The following QTMAN variants were observed in gnomAD, a reference collection of about 807,000 sequenced individuals.
QTMAN encodes tRNA-queuosine alpha-mannosyltransferase.
the QTMAN span, among the ~76,000 whole-genome samples, chr2:144,039,148 CTTAAA>C: frequency 6.6e-6 from 1 of 152,070 alleles, no homozygotes; most frequent in African/African-American, 2.4e-5. Context: ...AAATTCTTCC[CTTAAA>C]TAAGTTTTAG....
chr2:144,094,159 T>C, the QTMAN span, among the ~76,000 whole-genome samples: 1 of 152,352 alleles, frequency 6.6e-6, no homozygotes, highest in East Asian at 1.9e-4. Context: ...GATGTGATTT[T>C]GGTTTAGTTT....
At chr2:144,328,978 G>C in the QTMAN span, among the ~76,000 whole-genome samples, 1 of 151,894 alleles carries the variant, frequency 6.6e-6, no homozygotes, top group Admixed American at 6.6e-5. Flanking sequence ...AAATAACCAG[G>C]CAGGGCACAG....
chr2:143,980,332 G>A, the QTMAN span, among the ~76,000 whole-genome samples: 2 of 152,242 alleles, frequency 1.3e-5, no homozygotes, highest in African/African-American at 4.8e-5. Flanking sequence ...ATGGCCTCCA[G>A]CTCCATCCAT....
chr2:144,327,720 C>T, the QTMAN span, among the ~76,000 whole-genome samples: 1 of 152,080 alleles, frequency 6.6e-6, no homozygotes, highest in African/African-American at 2.4e-5. Context: ...CTTGGCTCTG[C>T]AAGACCCCAA....
At chr2:144,025,295 T>C in the QTMAN span, among the ~76,000 whole-genome samples, 2 of 152,170 alleles carry the variant, frequency 1.3e-5, no homozygotes, top group Non-Finnish European at 2.9e-5. Context: ...CTACTCCTAG[T>C]ACAGAGCACA....
the QTMAN span, among the ~76,000 whole-genome samples, chr2:144,328,580 G>A: frequency 7.2e-4 from 109 of 152,274 alleles, no homozygotes; most frequent in Middle Eastern, 3.4e-3. Flanking sequence ...GATCCTTCCC[G>A]TTGTAGGTGA....
chr2:144,145,517 C>G, the QTMAN span: 2 of 1,321,836 alleles, frequency 1.5e-6, no homozygotes, highest in Non-Finnish European at 2.1e-6. Flanking sequence ...AACGTAACCA[C>G]CTACAAAGAA....
the QTMAN span, among the ~76,000 whole-genome samples, chr2:144,329,288 A>C: frequency 6.6e-6 from 1 of 152,186 alleles, no homozygotes; most frequent in Non-Finnish European, 1.5e-5. Flanking sequence ...GATATTAAAA[A>C]AAAAAGAAGA....
chr2:144,320,474 T>C, the QTMAN span, among the ~76,000 whole-genome samples: 4 of 152,220 alleles, frequency 2.6e-5, no homozygotes, highest in Non-Finnish European at 5.9e-5. Context: ...CAGACAGCTC[T>C]AGTCACTTTG....
At chr2:144,239,144 G>A in the QTMAN span, among the ~76,000 whole-genome samples, 1 of 134,030 alleles carries the variant, frequency 7.5e-6, no homozygotes, top group Admixed American at 7.5e-5. Flanking sequence ...CAAAAAGACA[G>A]ATATACGCAC....
the QTMAN span, among the ~76,000 whole-genome samples, chr2:144,170,144 T>C: frequency 1.3e-5 from 2 of 152,210 alleles, no homozygotes; most frequent in African/African-American, 4.8e-5. Context: ...TATATGAATA[T>C]ACTATCATTT....
the QTMAN span, among the ~76,000 whole-genome samples, chr2:144,042,478 G>A: frequency 1.4e-4 from 22 of 152,208 alleles, no homozygotes; most frequent in Middle Eastern, 3.4e-3. Flanking sequence ...AATGAAGGCC[G>A]GGCGTGGTGG....
the QTMAN span, among the ~76,000 whole-genome samples, chr2:144,308,165 T>G: frequency 1.4e-5 from 2 of 144,988 alleles, no homozygotes; most frequent in Non-Finnish European, 3.0e-5. Context: ...ATTGGTTGTT[T>G]TTTTTTTTTT....
the QTMAN span, among the ~76,000 whole-genome samples, chr2:144,166,440 T>C: frequency 6.6e-6 from 1 of 152,242 alleles, no homozygotes; most frequent in African/African-American, 2.4e-5. Context: ...TTTCAATTAA[T>C]CGACAAAGGT....
the QTMAN span, among the ~76,000 whole-genome samples, chr2:144,247,536 C>T: frequency 2.0e-5 from 3 of 151,974 alleles, no homozygotes; most frequent in Non-Finnish European, 4.4e-5. Flanking sequence ...CTTCAAAGAC[C>T]ATAACATAAA....
At chr2:144,120,053 T>C in the QTMAN span, among the ~76,000 whole-genome samples, 1 of 152,198 alleles carries the variant, frequency 6.6e-6, no homozygotes, top group African/African-American at 2.4e-5. Context: ...AAAGAAGTCA[T>C]GATAAATCTT....
chr2:144,214,864 C>T, the QTMAN span, among the ~76,000 whole-genome samples: 49 of 152,254 alleles, frequency 3.2e-4, no homozygotes, highest in African/African-American at 1.2e-3. Context: ...GCAAAGTTAG[C>T]ATCTTATATG....
At chr2:143,973,846 A>C in the QTMAN span, among the ~76,000 whole-genome samples, 1 of 152,148 alleles carries the variant, frequency 6.6e-6, no homozygotes. Flanking sequence ...AAAGATGTAC[A>C]CAAATATTTG....
At chr2:143,938,755 AATATTATT>A in the QTMAN span, 1 of 152,176 alleles carries the variant, frequency 6.6e-6, no homozygotes, top group East Asian at 1.9e-4. Context: ...CACCCCAAAT[AATATTATT>A]TACATCCAGT....
Sources: gnomAD v4.1 joint callset for allele counts (sites outside exome capture counted in the v4.1 genomes callset) on GRCh38, gnomAD v4.1.1 for gene constraint, MANE v1.5 for transcripts, NCBI Gene and HGNC (gene_info 2026-07-23, HGNC 2026-07-21) for gene names.